The following NAT1 variants were observed in gnomAD, a reference collection of about 807,000 sequenced individuals.
NAT1 encodes arylamine N-acetyltransferase 1.
For missense variants in NAT1, 400 were observed against 339.2 expected (o/e 1.18, Z -1.41); for synonymous variants, 144 against 122.6 (o/e 1.17, Z -1.16).
chr8:18,171,166 G>C (rs1223920090), intron 2 of NAT1, among the ~76,000 whole-genome samples: 1 of 152,204 alleles, frequency 6.6e-6, no homozygotes, highest in African/African-American at 2.4e-5. Flanking sequence ...GGGTCAGACA[G>C]AACTCAACTG....
chr8:18,189,988 C>T (rs1054881262), intron 2 of NAT1, among the ~76,000 whole-genome samples: 1 of 152,140 alleles, frequency 6.6e-6, no homozygotes, highest in Non-Finnish European at 1.5e-5. Flanking sequence ...TCGGTTTTCA[C>T]CATGTTCGCC....
chr8:18,202,603 G>A (rs1266076632), intron 2 of NAT1, among the ~76,000 whole-genome samples: 1 of 152,184 alleles, frequency 6.6e-6, no homozygotes, highest in Non-Finnish European at 1.5e-5. Flanking sequence ...CTGACTTCAG[G>A]AGTGAAGCTG....
chr8:18,210,420 T>A (rs1803961714), intron 1 of NAT1, among the ~76,000 whole-genome samples: 1 of 152,216 alleles, frequency 6.6e-6, no homozygotes, highest in South Asian at 2.1e-4. Flanking sequence ...CTGTGAGAAC[T>A]TGGCCTAGTC....
Position 18,222,629 on chromosome 8 carries a change from T to A in NAT1, c.582T>A (p.Leu194=), listed in dbSNP as rs753621501. Residue 194 remains leucine, a synonymous_variant, in exon 3 of 3, where the codon CTT becomes CTA. Transcript: ENST00000307719. The part of the protein sequence containing the change: ...SKYRKIYSFT[L]KPRTIEDFES... The stretch of plus-strand genomic sequence containing the variant: ...ACCGAAAAATCTACTCCTTTACTCT[T>A]AAGCCTCGAACAATTGAAGATTTTG... The A allele has an allele frequency of 6.2e-7, 1 of 1,613,322 alleles. No individual in the cohort carries two copies.
intron 1 of NAT1, among the ~76,000 whole-genome samples, chr8:18,214,749 G>C (rs1057126817): frequency 1.3e-5 from 2 of 152,100 alleles, no homozygotes; most frequent in South Asian, 4.1e-4. Flanking sequence ...AGGTAAACTT[G>C]TGTCATGGGG....
intron 2 of NAT1, among the ~76,000 whole-genome samples, chr8:18,180,506 T>C (rs2117218894): frequency 6.6e-6 from 1 of 152,270 alleles, no homozygotes; most frequent in Admixed American, 6.5e-5. Flanking sequence ...AATGTTTGCC[T>C]GTAATTTTCT....
At chr8:18,204,963 A>G (rs1470344201) in intron 2 of NAT1, among the ~76,000 whole-genome samples, 2 of 152,176 alleles carry the variant, frequency 1.3e-5, no homozygotes, top group African/African-American at 4.8e-5. Flanking sequence ...TCAGCTCCCA[A>G]CTTCTGGACT....
chr8:18,179,964 C>T (rs957655207), intron 2 of NAT1, among the ~76,000 whole-genome samples: 9 of 152,096 alleles, frequency 5.9e-5, no homozygotes, highest in South Asian at 2.1e-4. Context: ...GCAACAATAA[C>T]TAATGGCCCA....
chr8:18,205,489 T>A (rs1021978643), upstream of NAT1, among the ~76,000 whole-genome samples: 1 of 151,860 alleles, frequency 6.6e-6, no homozygotes, highest in Non-Finnish European at 1.5e-5. Context: ...AGCACAAGAG[T>A]GGGGCACTGG....
At chr8:18,194,480 G>A (rs559174634) in intron 2 of NAT1, among the ~76,000 whole-genome samples, 1 of 152,164 alleles carries the variant, frequency 6.6e-6, no homozygotes, top group Admixed American at 6.5e-5. Context: ...CATATAGAGA[G>A]TTTAATGGCC....
At chr8:18,194,549 G>A (rs998755409) in intron 2 of NAT1, among the ~76,000 whole-genome samples, 17 of 152,064 alleles carry the variant, frequency 1.1e-4, no homozygotes, top group African/African-American at 4.1e-4. Context: ...GGCTGGGCAC[G>A]GTGGCTCACA....
intron 2 of NAT1, among the ~76,000 whole-genome samples, chr8:18,196,440 C>G (rs1413445286): frequency 6.6e-6 from 1 of 152,006 alleles, no homozygotes; most frequent in Non-Finnish European, 1.5e-5. Context: ...ATAAAAGCCA[C>G]CCACCAAACA....
At chr8:18,205,123 A>G (rs1194702174), upstream of NAT1, among the ~76,000 whole-genome samples, 1 of 152,190 alleles carries the variant, frequency 6.6e-6, no homozygotes, top group African/African-American at 2.4e-5. Context: ...AAAGCATTTC[A>G]TAGTGCGGTT....
At chr8:18,195,821 TCTC>T (rs1803205511) in intron 2 of NAT1, among the ~76,000 whole-genome samples, 1 of 152,054 alleles carries the variant, frequency 6.6e-6, no homozygotes, top group South Asian at 2.1e-4. Flanking sequence ...TTCAGGAACT[TCTC>T]CTTGCATTCT....
intron 1 of NAT1, chr8:18,216,978 G>A (rs997225921): frequency 1.3e-6 from 2 of 1,550,520 alleles, no homozygotes; most frequent in African/African-American, 1.4e-5. Flanking sequence ...GGTCTCTGAT[G>A]ATCACCATGT....
rs1294914712 is a variant in NAT1, at chr8:18,210,153, G to C, written c.-113G>C. ...ATGTGGGAGGATTGCATTCAGTCTA[G>C]TTCCTGGTTGCCGGCTGAAATAACC... On this transcript the variant is annotated 5_prime_UTR_variant, in exon 1 of 3. Coordinates refer to ENST00000307719, the MANE Select transcript of NAT1 (RefSeq NM_000662.8). The C allele has an allele frequency of 1.3e-5, 2 of 152,252 alleles. No individual in the cohort carries two copies. The highest frequency in any genetic ancestry group is 2.4e-5 in the African/African-American group (1 of 41,436). The allele number at this position is 152,252 out of a possible 1,614,324, so 9.4% of individuals were successfully genotyped here.
chr8:18,193,567 A>G (rs1465347989), intron 2 of NAT1, among the ~76,000 whole-genome samples: 2 of 147,390 alleles, frequency 1.4e-5, no homozygotes, highest in African/African-American at 2.5e-5. Flanking sequence ...TTAAAGAGAC[A>G]GTCCTTCTAT....
chr8:18,188,823 C>A (rs1177139393), intron 2 of NAT1, among the ~76,000 whole-genome samples: 1 of 151,010 alleles, frequency 6.6e-6, no homozygotes, highest in Non-Finnish European at 1.5e-5. Context: ...GATGAAACCC[C>A]GTCTCTACTA....
intron 2 of NAT1, among the ~76,000 whole-genome samples, chr8:18,182,769 C>A (rs1191792168): frequency 6.6e-6 from 1 of 152,132 alleles, no homozygotes; most frequent in African/African-American, 2.4e-5. Context: ...CATCAATTTT[C>A]ACTCAAAAAG....
Sources: gnomAD v4.1 joint callset for allele counts (sites outside exome capture counted in the v4.1 genomes callset) on GRCh38, gnomAD v4.1.1 for gene constraint, MANE v1.5 for transcripts, NCBI Gene and HGNC (gene_info 2026-07-23, HGNC 2026-07-21) for gene names.